ERICH3: variants seen among roughly 807,000 people sequenced by gnomAD.
ERICH3 encodes the protein glutamate-rich protein 3.
Under a neutral mutation model 131.1 loss-of-function variants are expected in ERICH3, and 126 were observed. The observed-to-expected ratio is 0.96, with a 90% CI of 0.83 to 1.11. The LOEUF (loss-of-function observed/expected upper bound fraction) is 1.11, where lower values mean the gene tolerates loss of function less well. Among genes scored for constraint, ERICH3 ranks in the 50% most tolerant of loss-of-function variants. The pLI is 0.00. For missense variants in ERICH3, 2,050 were observed against 1,810.7 expected (o/e 1.13, Z -2.40); for synonymous variants, 695 against 644.6 (o/e 1.08, Z -1.18).
intron 12 of ERICH3, 192 bp downstream of exon 12, chr1:74,589,439 A>C: frequency 1.6e-6 from 1 of 620,734 alleles, no homozygotes; most frequent in Non-Finnish European, 2.8e-6. Context: ...GTAATTTTTT[A>C]AGTGCAAGAG....
chr1:74,642,854 C>T (rs1646448246), intron 4 of ERICH3, among the ~76,000 whole-genome samples, 173 bp downstream of exon 4: 1 of 152,110 alleles, frequency 6.6e-6, no homozygotes, highest in South Asian at 2.1e-4. Flanking sequence ...ATATTTGTCA[C>T]AATCTTCTGT....
At chr1:74,597,092 T>G (rs1647886376) in intron 11 of ERICH3, among the ~76,000 whole-genome samples, 1 of 152,106 alleles carries the variant, frequency 6.6e-6, no homozygotes, top group Non-Finnish European at 1.5e-5. Context: ...TGGTCACATA[T>G]GCCTCTCACA....
At position 74,612,698 on chromosome 1, in the gene ERICH3, C is replaced by A; in HGVS notation, c.1112G>T (p.Arg371Leu). The part of the protein sequence containing the change: ...RLSSCCEYKH[R>L]KGSRLGGKRG... ...TTTGCCTCCAAGCCTGGAACCTTTC[C>A]GATGCTTGTATTCACAACAGGAGCT... The change falls in exon 9 of 15, where the codon CGG becomes CTG. Residue 371 changes from arginine (R) to leucine (L), a missense_variant. Arg to Leu is a moderately radical substitution (Grantham distance 102, BLOSUM62 -2). Transcript: ENST00000326665. 1.9e-6 allele frequency: 3 copies of A among 1,603,472 alleles called. No homozygotes were observed. The highest frequency in any genetic ancestry group is 2.6e-6 in the Non-Finnish European group (3 of 1,172,024).
chr1:74,594,199 A>T (rs1182247586), intron 11 of ERICH3, among the ~76,000 whole-genome samples: 1 of 152,084 alleles, frequency 6.6e-6, no homozygotes, highest in African/African-American at 2.4e-5. Flanking sequence ...ATGCTATTTT[A>T]TGAAAATATA....
In ERICH3 at chr1:74,572,940, C is replaced by T. The variant is rs145905225; in HGVS notation, c.2770G>A (p.Glu924Lys). 2.0e-4 allele frequency: 320 copies of T among 1,614,036 alleles called. 2 individuals carry two copies. Among genetic ancestry groups the T allele is most frequent in the Middle Eastern group, 1.6e-4 (1 of 6,062 alleles). ...EHLHEVAALREAATSEEGEAE... is the reference protein window; with the variant it reads ...EHLHEVAALRKAATSEEGEAE... ...TCTCCCTCCTCCGATGTCGCTGCCT[C>T]TCTCAGGGCTGCTACTTCATGAAGA... Residue 924 changes from glutamate (E) to lysine (K), a missense_variant, in exon 14 of 15, where the codon GAG becomes AAG. Glu to Lys is a moderately conservative substitution (Grantham distance 56). Coordinates refer to ENST00000326665, the MANE Select transcript of ERICH3 (RefSeq NM_001002912.5).
chr1:74,658,554 C>T (rs966601823), intron 1 of ERICH3, among the ~76,000 whole-genome samples: 1 of 151,940 alleles, frequency 6.6e-6, no homozygotes, highest in African/African-American at 2.4e-5. Flanking sequence ...AAAAATGCTG[C>T]TGTGTAGGCT....
chr1:74,653,381 G>A (rs928838847), intron 1 of ERICH3, among the ~76,000 whole-genome samples: 5 of 151,940 alleles, frequency 3.3e-5, no homozygotes, highest in African/African-American at 4.8e-5. Flanking sequence ...ACGTGTGTGT[G>A]TGTCTGTGTC....
chr1:74,651,140 C>A (rs910259607), intron 1 of ERICH3, among the ~76,000 whole-genome samples: 12 of 152,054 alleles, frequency 7.9e-5, no homozygotes, highest in African/African-American at 2.7e-4. Context: ...AAGTAAATAT[C>A]ATTAGCAACA....
chr1:74,579,630 G>T (rs1422431562), intron 12 of ERICH3: 3 of 985,372 alleles, frequency 3.0e-6, no homozygotes, highest in Non-Finnish European at 3.6e-6. Context: ...TTTTTTCTCA[G>T]ATGTTCTTCT....
At chr1:74,665,316 T>C (rs114328792) in intron 1 of ERICH3, among the ~76,000 whole-genome samples, 6,483 of 152,248 alleles carry the variant, frequency 0.043, 467 homozygotes, top group African/African-American at 0.15. Flanking sequence ...AATAAAATTC[T>C]GTTGTTTCTA....
chr1:74,617,419 T>C (rs1372472928), intron 8 of ERICH3, among the ~76,000 whole-genome samples: 1 of 152,206 alleles, frequency 6.6e-6, no homozygotes, highest in East Asian at 1.9e-4. Flanking sequence ...TTTATGTTCA[T>C]AGTCCCAAAC....
At chr1:74,600,911 G>T (rs1648100072) in intron 10 of ERICH3, among the ~76,000 whole-genome samples, 2 of 151,558 alleles carry the variant, frequency 1.3e-5, no homozygotes, top group South Asian at 4.2e-4. Flanking sequence ...CTGTGGGGGA[G>T]GGGGGCCTCT....
At chr1:74,665,698 T>A (rs1227516147) in intron 1 of ERICH3, among the ~76,000 whole-genome samples, 4 of 152,194 alleles carry the variant, frequency 2.6e-5, no homozygotes, top group Admixed American at 2.0e-4. Context: ...CATGTCTTTG[T>A]CCTAATCTCT....
At chr1:74,613,689 C>T (rs978589358) in intron 8 of ERICH3, among the ~76,000 whole-genome samples, 2 of 152,116 alleles carry the variant, frequency 1.3e-5, no homozygotes, top group Admixed American at 6.5e-5. Flanking sequence ...AATTTAGAAC[C>T]ACTGCTTACA....
intron 12 of ERICH3, chr1:74,586,483 C>G (rs1249772164): frequency 5.1e-6 from 5 of 984,364 alleles, no homozygotes; most frequent in Non-Finnish European, 6.0e-6. Flanking sequence ...TTCACTTTCA[C>G]TTTATTCTTC....
chr1:74,615,440 A>G (rs1042169206), intron 8 of ERICH3: 1 of 152,222 alleles, frequency 6.6e-6, no homozygotes, highest in African/African-American at 2.4e-5. Flanking sequence ...AGAAAGCATT[A>G]TATATGATTA....
At chr1:74,591,148 A>G (rs770371304) in intron 11 of ERICH3, among the ~76,000 whole-genome samples, 2 of 152,170 alleles carry the variant, frequency 1.3e-5, no homozygotes, top group Non-Finnish European at 2.9e-5. Flanking sequence ...GTGTGTGTGT[A>G]CATAGATGGA....
At chr1:74,587,561 T>C (rs1647394217) in intron 12 of ERICH3, among the ~76,000 whole-genome samples, 1 of 152,132 alleles carries the variant, frequency 6.6e-6, no homozygotes, top group Non-Finnish European at 1.5e-5. Context: ...ATGATCATAG[T>C]GCTACATCTC....
rs12070348 is a variant in ERICH3 at position 74,610,335 on chromosome 1, C to T, written c.1187+2288G>A. On this transcript the variant is annotated intron_variant, in intron 9 of 14. Transcript: ENST00000326665. ...TATTGTTTAAGAAAATAGAAACAATCAGCAGAGAGCTTCCAGTTGTTCCCA... is the reference window on the plus strand; with the variant it reads ...TATTGTTTAAGAAAATAGAAACAATTAGCAGAGAGCTTCCAGTTGTTCCCA... 8.2e-3 allele frequency among the ~76,000 whole-genome samples: 1,229 copies of T among 150,770 alleles called. 15 individuals are homozygous for T. Among genetic ancestry groups the T allele is most frequent in the African/African-American group, 0.028 (1,165 of 41,018 alleles).
Sources: allele counts gnomAD v4.1 joint callset (sites outside exome capture counted in the v4.1 genomes callset), GRCh38; gene constraint gnomAD v4.1.1; transcripts MANE v1.5; gene names NCBI Gene and HGNC (gene_info 2026-07-23, HGNC 2026-07-21).